Variants in MRPS28 observed in about 807,000 individuals in gnomAD.
MRPS28 encodes mitochondrial ribosomal protein S28.
In MRPS28, 7 loss-of-function variants were observed where a neutral mutation model predicts 10.8. The observed-to-expected ratio is 0.65, with a 90% confidence interval of 0.37 to 1.22. The LOEUF is 1.22. Among genes scored for constraint, MRPS28 ranks in the 50% most tolerant of loss-of-function variants. MRPS28 has a pLI of 0.02. For missense variants in MRPS28, 265 were observed against 232.9 expected (o/e 1.14, Z -0.90); for synonymous variants, 121 against 93.3 (o/e 1.30, Z -1.71).
At chr8:79,922,149 G>C (rs1810111031) in intron 2 of MRPS28, among the ~76,000 whole-genome samples, 1 of 152,142 alleles carries the variant, frequency 6.6e-6, no homozygotes. Context: ...AAATGTCTAA[G>C]TGTAAAGTAC....
rs533090364 is a variant in MRPS28, at chr8:79,994,419, C to T, written c.395+8580G>A. Among the ~76,000 whole-genome samples the T allele has an allele frequency of 6.6e-5, 10 of 152,114 alleles. No individual in the cohort carries two copies. The East Asian group carries it at 1.9e-3, about 29-fold the overall frequency. ...AAAGCAGGCAATAATATCAATAACA[C>T]ACTCCCCTTCTCTACCTCCCCAACA... On this transcript the variant is annotated intron_variant, in intron 2 of 2. Transcript: ENST00000276585.
rs533100328 is a variant in MRPS28, at chr8:80,004,002, G to A, written c.214-822C>T. 3.3e-3 allele frequency among the ~76,000 whole-genome samples: 496 copies of A among 152,322 alleles called. 5 individuals carry two copies. Among genetic ancestry groups the A allele is most frequent in the Non-Finnish European group, 2.8e-3 (190 of 68,026 alleles). On this transcript the variant is annotated intron_variant, in intron 1 of 2. Coordinates refer to ENST00000276585, the MANE Select transcript of MRPS28 (RefSeq NM_014018.3). ...AAAGCAGTCAGGAAGCTCCAACTGG[G>A]TGGAGCCCACCAAAGCTCAAGGAGG...
At chr8:79,958,670 G>T (rs1046703540) in intron 2 of MRPS28, among the ~76,000 whole-genome samples, 7 of 152,094 alleles carry the variant, frequency 4.6e-5, no homozygotes, top group African/African-American at 1.7e-4. Flanking sequence ...AATGACCACT[G>T]CCCTGATATT....
chr8:80,000,917 A>C (rs1053383342), intron 2 of MRPS28, among the ~76,000 whole-genome samples: 2 of 152,218 alleles, frequency 1.3e-5, no homozygotes, highest in Non-Finnish European at 2.9e-5. Context: ...TGATGTTTTA[A>C]ATTTTTAATT....
At chr8:79,995,433 T>G (rs182120658) in intron 2 of MRPS28, among the ~76,000 whole-genome samples, 1 of 152,312 alleles carries the variant, frequency 6.6e-6, no homozygotes, top group Non-Finnish European at 1.5e-5. Context: ...ATTGGTACCA[T>G]CTCAAGCAGG....
chr8:79,969,617 T>C (rs1238502406), intron 2 of MRPS28, among the ~76,000 whole-genome samples: 2 of 152,070 alleles, frequency 1.3e-5, no homozygotes, highest in African/African-American at 4.8e-5. Context: ...AACCTGGTCA[T>C]CTGTAACAAA....
intron 2 of MRPS28, among the ~76,000 whole-genome samples, chr8:79,948,258 A>G (rs1207868442): frequency 6.6e-6 from 1 of 152,174 alleles, no homozygotes; most frequent in Non-Finnish European, 1.5e-5. Context: ...AAGTGCTGGG[A>G]TTACAAGTGT....
chr8:79,953,912 G>C (rs552697753), intron 2 of MRPS28, among the ~76,000 whole-genome samples: 30 of 152,204 alleles, frequency 2.0e-4, no homozygotes, highest in Non-Finnish European at 3.4e-4. Context: ...ACACTAAAAA[G>C]GGATTTTAAA....
chr8:80,025,543 T>C (rs1809473393), intron 1 of MRPS28, among the ~76,000 whole-genome samples: 1 of 152,126 alleles, frequency 6.6e-6, no homozygotes, highest in African/African-American at 2.4e-5. Flanking sequence ...ATTAAGGCCT[T>C]CCTACTTAAA....
At chr8:79,961,510 C>G (rs570075891) in intron 2 of MRPS28, among the ~76,000 whole-genome samples, 1 of 152,110 alleles carries the variant, frequency 6.6e-6, no homozygotes, top group Non-Finnish European at 1.5e-5. Flanking sequence ...CAATTACTTG[C>G]ACTTACAACT....
chr8:79,960,850 C>T (rs1367159454), intron 2 of MRPS28, among the ~76,000 whole-genome samples: 1 of 152,000 alleles, frequency 6.6e-6, no homozygotes, highest in African/African-American at 2.4e-5. Context: ...AAAGAAAGCA[C>T]CCTTTTAAGA....
intron 2 of MRPS28, among the ~76,000 whole-genome samples, chr8:79,951,235 G>A (rs559358410): frequency 6.6e-6 from 1 of 152,280 alleles, no homozygotes; most frequent in Admixed American, 6.5e-5. Flanking sequence ...GTTAGTCTAG[G>A]CTCACACACG....
chr8:79,958,626 A>G (rs1467699544), intron 2 of MRPS28, among the ~76,000 whole-genome samples: 1 of 152,176 alleles, frequency 6.6e-6, no homozygotes, highest in Non-Finnish European at 1.5e-5. Context: ...GCTGATAGGC[A>G]TATATCAACA....
rs368603514 is a variant in MRPS28 at position 79,942,254 on chromosome 8, T to C, written c.396-23106A>G. Among the ~76,000 whole-genome samples the C allele has an allele frequency of 5.9e-5, 9 of 152,316 alleles. No individual in the cohort carries two copies. In the East Asian group the frequency reaches 1.2e-3, roughly 20 times the overall value. The stretch of plus-strand genomic sequence containing the variant: ...CAGGACTGCACTGACTCTCCATTGC[T>C]GATCCAGGCTGCATTCAAGGGAGTG... On this transcript the variant is annotated intron_variant, in intron 2 of 2. Coordinates refer to ENST00000276585, the MANE Select transcript of MRPS28 (RefSeq NM_014018.3).
At chr8:79,945,629 G>C (rs544847097) in intron 2 of MRPS28, among the ~76,000 whole-genome samples, 2 of 152,204 alleles carry the variant, frequency 1.3e-5, no homozygotes, top group South Asian at 4.1e-4. Context: ...GGCAGAAATG[G>C]TAAGTTTTAT....
At chr8:80,005,750 C>T (rs1352883446) in intron 1 of MRPS28, among the ~76,000 whole-genome samples, 1 of 152,120 alleles carries the variant, frequency 6.6e-6, no homozygotes, top group Non-Finnish European at 1.5e-5. Context: ...ATCTCACGTG[C>T]AGAGACACAC....
At chr8:80,024,443 T>C (rs1809449169) in intron 1 of MRPS28, among the ~76,000 whole-genome samples, 1 of 151,984 alleles carries the variant, frequency 6.6e-6, no homozygotes, top group Non-Finnish European at 1.5e-5. Flanking sequence ...GTAACCCGAG[T>C]GTGTAATAGG....
intron 2 of MRPS28, among the ~76,000 whole-genome samples, chr8:79,991,581 A>T (rs1259275404): frequency 1.3e-5 from 2 of 152,250 alleles, no homozygotes; most frequent in African/African-American, 4.8e-5. Flanking sequence ...AGTAGTGTCT[A>T]ATAATATATT....
At chr8:79,964,318 A>T (rs1195662205) in intron 2 of MRPS28, among the ~76,000 whole-genome samples, 1 of 152,150 alleles carries the variant, frequency 6.6e-6, no homozygotes, top group East Asian at 1.9e-4. Flanking sequence ...GTAGTGGGGT[A>T]TAACAATAAA....
Sources: allele counts gnomAD v4.1 joint callset (sites outside exome capture counted in the v4.1 genomes callset), GRCh38; gene constraint gnomAD v4.1.1; transcripts MANE v1.5; gene names NCBI Gene and HGNC (gene_info 2026-07-23, HGNC 2026-07-21).